SAMD12: variants seen among roughly 807,000 people sequenced by gnomAD.
The protein encoded by SAMD12 is sterile alpha motif domain containing 12.
In SAMD12, 9 loss-of-function variants were observed where a neutral mutation model predicts 15.0. That is an observed-to-expected ratio of 0.60 (90% CI 0.36 to 1.05). The LOEUF (loss-of-function observed/expected upper bound fraction) is 1.05, where lower values mean the gene tolerates loss of function less well. Among genes scored for constraint, SAMD12 ranks in the 50% least tolerant of loss-of-function variants. SAMD12 has a pLI of 0.01. For synonymous variants in SAMD12, 86 were observed against 90.1 expected, an observed-to-expected ratio of 0.96 and a Z score of 0.25; for missense variants, 230 against 234.2, an observed-to-expected ratio of 0.98 and a Z score of 0.12.
At chr8:118,236,108 GT>G (rs1382305662) in intron 4 of SAMD12, among the ~76,000 whole-genome samples, 1 of 152,186 alleles carries the variant, frequency 6.6e-6, no homozygotes, top group Non-Finnish European at 1.5e-5. Context: ...AATATTCGCA[GT>G]TATGAGTAGC....
chr8:118,139,991 TC>T, the SAMD12 span, among the ~76,000 whole-genome samples: 2 of 152,108 alleles, frequency 1.3e-5, no homozygotes, highest in Non-Finnish European at 2.9e-5. Context: ...TCTGCCATCT[TC>T]CCAGCTGAAA....
At chr8:118,144,653 G>A in the SAMD12 span, among the ~76,000 whole-genome samples, 2 of 152,028 alleles carry the variant, frequency 1.3e-5, no homozygotes, top group African/African-American at 4.8e-5. Context: ...AAGAAAGAGG[G>A]AAGAAAGAAC....
exon 5 of SAMD12, chr8:118,192,709 A>G (rs976508603): frequency 4.6e-5 from 7 of 152,256 alleles, no homozygotes; most frequent in Admixed American, 4.6e-4. Flanking sequence ...TGAAAAGAAT[A>G]TGAAATTATG....
At chr8:118,364,135 CTCT>C (rs35063330) in intron 4 of SAMD12, among the ~76,000 whole-genome samples, 38,870 of 152,004 alleles carry the variant, frequency 0.26, 5,146 homozygotes, top group Admixed American at 0.29. Context: ...TCTTCTTCCT[CTCT>C]TCTTTATTCA....
intron 4 of SAMD12, among the ~76,000 whole-genome samples, chr8:118,258,307 G>A (rs1481299030): frequency 6.6e-6 from 1 of 152,102 alleles, no homozygotes; most frequent in Non-Finnish European, 1.5e-5. Context: ...AAGATAGCCT[G>A]TGCTTTCATT....
At chr8:118,154,018 C>T in the SAMD12 span, among the ~76,000 whole-genome samples, 2 of 152,004 alleles carry the variant, frequency 1.3e-5, no homozygotes, top group Non-Finnish European at 2.9e-5. Flanking sequence ...CCTAACTGAT[C>T]TGCTGTCACT....
intron 2 of SAMD12, among the ~76,000 whole-genome samples, chr8:118,516,179 T>G (rs1563904702): frequency 6.6e-6 from 1 of 152,250 alleles, no homozygotes. Flanking sequence ...TCTTTTATTT[T>G]GCCACTGACT....
At chr8:118,556,881 T>C (rs1175451739) in intron 2 of SAMD12, among the ~76,000 whole-genome samples, 1 of 151,932 alleles carries the variant, frequency 6.6e-6, no homozygotes, top group Non-Finnish European at 1.5e-5. Context: ...GGAGAATCAC[T>C]TGAGCCTGGG....
intron 3 of SAMD12, among the ~76,000 whole-genome samples, chr8:118,429,917 A>T (rs1822347013): frequency 6.6e-6 from 1 of 152,196 alleles, no homozygotes; most frequent in Non-Finnish European, 1.5e-5. Flanking sequence ...TAGATTAAAA[A>T]AAAATAAGGT....
intron 2 of SAMD12, among the ~76,000 whole-genome samples, chr8:118,577,751 A>G (rs1172352244): frequency 6.6e-6 from 1 of 152,152 alleles, no homozygotes; most frequent in Non-Finnish European, 1.5e-5. Context: ...AAGGCTCTAC[A>G]ATTCAAGGCA....
At chr8:118,176,357 T>C in the SAMD12 span, among the ~76,000 whole-genome samples, 2 of 152,128 alleles carry the variant, frequency 1.3e-5, no homozygotes, top group Non-Finnish European at 2.9e-5. Context: ...TAAAGACACA[T>C]GCATGTGTAT....
chr8:118,334,017 T>C (rs1816937482), intron 4 of SAMD12, among the ~76,000 whole-genome samples: 1 of 151,876 alleles, frequency 6.6e-6, no homozygotes, highest in Non-Finnish European at 1.5e-5. Flanking sequence ...TCCCACCCCT[T>C]CAGTGCCCAT....
chr8:118,430,982 G>A (rs1822385380), intron 3 of SAMD12, among the ~76,000 whole-genome samples: 1 of 151,882 alleles, frequency 6.6e-6, no homozygotes, highest in African/African-American at 2.4e-5. Context: ...GACCTTTTCT[G>A]ATTTTAACTG....
At chr8:118,148,562 A>G in the SAMD12 span, among the ~76,000 whole-genome samples, 1 of 152,212 alleles carries the variant, frequency 6.6e-6, no homozygotes, top group African/African-American at 2.4e-5. Context: ...AATTTACCCA[A>G]TTGAAGTGTA....
In SAMD12 at chr8:118,517,227, G is replaced by A. The variant is rs562514428; in HGVS notation, c.192+63488C>T. Among the ~76,000 whole-genome samples the A allele has an allele frequency of 1.9e-4, 29 of 152,214 alleles. No individual in the cohort carries two copies. In the South Asian group the frequency reaches 2.9e-3, roughly 15 times the overall value. ...CAAAGGATAAGATTCTTTGAACTGC[G>A]CCTGAATAAAGATAAACTGAAACCA... On this transcript the variant is annotated intron_variant, in intron 2 of 3. Coordinates refer to ENST00000314727, the MANE Select transcript of SAMD12 (RefSeq NM_207506.3).
intron 2 of SAMD12, among the ~76,000 whole-genome samples, chr8:118,488,540 A>G (rs1434514505): frequency 6.6e-6 from 1 of 151,904 alleles, no homozygotes; most frequent in African/African-American, 2.4e-5. Context: ...ATCCCCTCCC[A>G]CCAACCCCCA....
At chr8:118,467,708 C>T (rs943865190) in intron 2 of SAMD12, among the ~76,000 whole-genome samples, 1 of 152,176 alleles carries the variant, frequency 6.6e-6, no homozygotes, top group Non-Finnish European at 1.5e-5. Flanking sequence ...GTCAAACGTG[C>T]TAGTTAGTAA....
At chr8:118,558,706 G>C (rs1006519751) in intron 2 of SAMD12, among the ~76,000 whole-genome samples, 7 of 152,106 alleles carry the variant, frequency 4.6e-5, no homozygotes, top group East Asian at 1.9e-4. Context: ...CTACAGGCGC[G>C]TGCCACCACG....
chr8:118,552,750 C>T (rs1389026068), intron 2 of SAMD12, among the ~76,000 whole-genome samples: 1 of 152,106 alleles, frequency 6.6e-6, no homozygotes, highest in African/African-American at 2.4e-5. Context: ...TGTCCCTGTT[C>T]ACAGATGACA....
Sources: gnomAD v4.1 joint callset for allele counts (sites outside exome capture counted in the v4.1 genomes callset) on GRCh38, gnomAD v4.1.1 for gene constraint, MANE v1.5 for transcripts, NCBI Gene and HGNC (gene_info 2026-07-23, HGNC 2026-07-21) for gene names.